Variants in ZNF804B observed in about 807,000 individuals in gnomAD.
ZNF804B encodes zinc finger 804B.
Under a neutral mutation model 101.4 loss-of-function variants are expected in ZNF804B, and 80 were observed. The observed-to-expected ratio is 0.79, with a 90% CI of 0.66 to 0.95. The LOEUF (loss-of-function observed/expected upper bound fraction) is 0.95. Ranked by LOEUF, ZNF804B falls within the 40% of genes least tolerant of loss-of-function variation. The pLI is 0.00. For synonymous variants in ZNF804B, 622 were observed against 558.8 expected (o/e 1.11, Z -1.59); for missense variants, 1,673 against 1,561.9 (o/e 1.07, Z -1.20).
chr7:89,220,047 A>ATATATATACGCACATATATGTGTG (rs1562920295), intron 2 of ZNF804B, among the ~76,000 whole-genome samples: 2 of 38,762 alleles, frequency 5.2e-5, no homozygotes, highest in Non-Finnish European at 1.1e-4. Context: ...ATATATGTGC[A>ATATATATACGCACATATATGTGTG]TATATACATA....
At chr7:89,244,043 T>A (rs960728669) in intron 2 of ZNF804B, among the ~76,000 whole-genome samples, 1 of 152,016 alleles carries the variant, frequency 6.6e-6, no homozygotes, top group Non-Finnish European at 1.5e-5. Context: ...CCCTTTAAAA[T>A]TCCTTCATTT....
intron 1 of ZNF804B, among the ~76,000 whole-genome samples, chr7:88,770,302 T>G (rs1790043490): frequency 6.6e-6 from 1 of 152,162 alleles, no homozygotes; most frequent in African/African-American, 2.4e-5. Flanking sequence ...GGGTCCAACT[T>G]AATCACAAGG....
rs372246867 is a variant in ZNF804B, at chr7:89,318,698, G to A, written c.250-8646G>A. The stretch of plus-strand genomic sequence containing the variant: ...GAATTGCTTGAACTCGGAGGCAGAG[G>A]TTGCAGTGACCTGAGATGGTGCCAC... On this transcript the variant is annotated intron_variant, in intron 2 of 3. Transcript: ENST00000333190. Among the ~76,000 whole-genome samples the A allele has an allele frequency of 5.3e-5, 8 of 152,290 alleles. No homozygotes were observed. In the East Asian group the frequency reaches 1.2e-3, roughly 22 times the overall value.
chr7:89,266,784 A>C (rs1301591641), intron 2 of ZNF804B, among the ~76,000 whole-genome samples: 1 of 152,044 alleles, frequency 6.6e-6, no homozygotes, highest in Non-Finnish European at 1.5e-5. Flanking sequence ...TTTATCAGGT[A>C]TATCATAAAA....
At chr7:88,865,961 C>T (rs778394961) in intron 1 of ZNF804B, among the ~76,000 whole-genome samples, 1 of 152,178 alleles carries the variant, frequency 6.6e-6, no homozygotes, top group Non-Finnish European at 1.5e-5. Context: ...TTTTATACAT[C>T]CTTCCAAAAA....
intron 1 of ZNF804B, among the ~76,000 whole-genome samples, chr7:89,123,831 C>G (rs777262073): frequency 1.3e-5 from 2 of 151,978 alleles, no homozygotes; most frequent in Non-Finnish European, 2.9e-5. Context: ...ATCCAGGTAG[C>G]CTGGAAACTT....
intron 2 of ZNF804B, among the ~76,000 whole-genome samples, chr7:89,232,769 G>C (rs544330817): frequency 6.6e-6 from 1 of 152,106 alleles, no homozygotes; most frequent in Non-Finnish European, 1.5e-5. Context: ...TTCTCAGTAA[G>C]TCTAGCTAAA....
At chr7:89,089,423 T>G (rs895203450) in intron 1 of ZNF804B, among the ~76,000 whole-genome samples, 1 of 152,118 alleles carries the variant, frequency 6.6e-6, no homozygotes, top group African/African-American at 2.4e-5. Flanking sequence ...ATATAATGTT[T>G]ATATGTATAT....
intron 1 of ZNF804B, among the ~76,000 whole-genome samples, chr7:89,064,351 A>G (rs1322175274): frequency 6.6e-6 from 1 of 152,178 alleles, no homozygotes; most frequent in Non-Finnish European, 1.5e-5. Flanking sequence ...TGGGGCAGCA[A>G]GTCCTTCCTT....
intron 1 of ZNF804B, among the ~76,000 whole-genome samples, chr7:89,036,164 G>C (rs1788924097): frequency 6.6e-6 from 1 of 150,596 alleles, no homozygotes; most frequent in Non-Finnish European, 1.5e-5. Context: ...CATATATAGA[G>C]ATATATAGTT....
At chr7:89,177,411 G>A (rs565378978) in intron 1 of ZNF804B, among the ~76,000 whole-genome samples, 20 of 152,172 alleles carry the variant, frequency 1.3e-4, no homozygotes, top group Admixed American at 6.5e-4. Context: ...ATTACCATGC[G>A]TTTGTATAGT....
intron 2 of ZNF804B, among the ~76,000 whole-genome samples, chr7:89,282,995 T>C (rs1311934404): frequency 6.6e-6 from 1 of 152,168 alleles, no homozygotes; most frequent in African/African-American, 2.4e-5. Flanking sequence ...TGATATGTTA[T>C]ATCAGCCATA....
intron 1 of ZNF804B, among the ~76,000 whole-genome samples, chr7:89,089,263 C>T (rs2116323297): frequency 6.6e-6 from 1 of 151,810 alleles, no homozygotes; most frequent in Middle Eastern, 3.4e-3. Context: ...TTAAAATTAC[C>T]ATTCTCTTGA....
rs150256867 is a variant in ZNF804B at position 89,310,374 on chromosome 7, C to T, written c.250-16970C>T. 4.6e-5 allele frequency among the ~76,000 whole-genome samples: 7 copies of T among 152,240 alleles called. No homozygotes were observed. The East Asian group carries it at 1.2e-3, about 25-fold the overall frequency. Reference sequence around the variant, plus strand: ...CTGATATGTATAGCTCAACTCAATACTATCTTTAGATTTAAAATAGTGTCT... The same window carrying T: ...CTGATATGTATAGCTCAACTCAATATTATCTTTAGATTTAAAATAGTGTCT... On this transcript the variant is annotated intron_variant, in intron 2 of 3. Coordinates refer to ENST00000333190, the MANE Select transcript of ZNF804B (RefSeq NM_181646.5).
chr7:88,921,423 GAGA>G (rs903996479), intron 1 of ZNF804B, among the ~76,000 whole-genome samples: 1 of 152,100 alleles, frequency 6.6e-6, no homozygotes, highest in Non-Finnish European at 1.5e-5. Context: ...AGGTTCCTCT[GAGA>G]AGTGAGTTAC....
At chr7:88,969,503 G>A (rs1219164208) in intron 1 of ZNF804B, among the ~76,000 whole-genome samples, 4 of 151,720 alleles carry the variant, frequency 2.6e-5, no homozygotes, top group Admixed American at 2.6e-4. Flanking sequence ...CTTGCCATTA[G>A]GCAACAATTC....
At chr7:89,071,336 A>C (rs1379960248) in intron 1 of ZNF804B, among the ~76,000 whole-genome samples, 1 of 152,214 alleles carries the variant, frequency 6.6e-6, no homozygotes. Flanking sequence ...TGTTAATTTT[A>C]AAATGTATGC....
At chr7:88,879,740 A>G (rs1424586669) in intron 1 of ZNF804B, among the ~76,000 whole-genome samples, 1 of 152,198 alleles carries the variant, frequency 6.6e-6, no homozygotes, top group Non-Finnish European at 1.5e-5. Flanking sequence ...GTGTAGGTAG[A>G]GTTAAAAGCC....
intron 1 of ZNF804B, among the ~76,000 whole-genome samples, chr7:88,809,286 G>T (rs1790739808): frequency 6.6e-6 from 1 of 151,906 alleles, no homozygotes; most frequent in African/African-American, 2.4e-5. Flanking sequence ...TATGTATACA[G>T]AATCTATTAT....
Sources: gnomAD v4.1 joint callset for allele counts (sites outside exome capture counted in the v4.1 genomes callset) on GRCh38, gnomAD v4.1.1 for gene constraint, MANE v1.5 for transcripts, NCBI Gene and HGNC (gene_info 2026-07-23, HGNC 2026-07-21) for gene names.